SUGCT: variants seen among roughly 807,000 people sequenced by gnomAD.
The protein encoded by SUGCT is succinyl-CoA:glutarate CoA-transferase.
A neutral mutation model predicts 55.0 loss-of-function variants in SUGCT; 41 were observed. That is an observed-to-expected ratio of 0.74 (90% confidence interval 0.58 to 0.97). The LOEUF (loss-of-function observed/expected upper bound fraction) is 0.97. SUGCT is among the 50% of genes least tolerant of loss of function. The pLI is 0.00. For synonymous variants in SUGCT, 187 were observed against 200.4 expected (o/e 0.93, Z 0.56); for missense variants, 568 against 547.8 (o/e 1.04, Z -0.37).
intron 12 of SUGCT, among the ~76,000 whole-genome samples, chr7:40,717,470 T>G (rs1057241764): frequency 2.0e-4 from 31 of 152,242 alleles, no homozygotes; most frequent in African/African-American, 7.2e-4. Context: ...CCAGGGCACA[T>G]GTCGGGCTCC....
At chr7:40,484,281 A>G (rs1295456128) in intron 11 of SUGCT, among the ~76,000 whole-genome samples, 1 of 152,156 alleles carries the variant, frequency 6.6e-6, no homozygotes, top group South Asian at 2.1e-4. Flanking sequence ...TCATATTCCA[A>G]ATAGGAAGCA....
chr7:41,000,798 A>G, the SUGCT span, among the ~76,000 whole-genome samples: 1 of 152,270 alleles, frequency 6.6e-6, no homozygotes, highest in East Asian at 1.9e-4. Flanking sequence ...GGCCCTTGCT[A>G]GTGGGAAAAT....
At chr7:40,343,469 C>T (rs575711747) in intron 9 of SUGCT, among the ~76,000 whole-genome samples, 1 of 152,092 alleles carries the variant, frequency 6.6e-6, no homozygotes, top group East Asian at 1.9e-4. Flanking sequence ...AGTTATGGAC[C>T]GTTTTAGGAA....
chr7:40,798,374 C>G lies in SUGCT; in HGVS notation c.1153+48877C>G, dbSNP rs567159939. ...AATTCTGTTGGTTCTATGGTGCACT[C>G]CTTTTTGTGAGATCCTTTGAGAACT... On this transcript the variant is annotated intron_variant, in intron 13 of 13. Transcript: ENST00000335693. 1.1e-4 allele frequency among the ~76,000 whole-genome samples: 17 copies of G among 152,168 alleles called. 1 individual carries two copies. The South Asian group carries it at 3.5e-3, about 32-fold the overall frequency.
chr7:40,783,185 A>G (rs1563001687), intron 13 of SUGCT, among the ~76,000 whole-genome samples: 1 of 152,144 alleles, frequency 6.6e-6, no homozygotes, highest in Non-Finnish European at 1.5e-5. Flanking sequence ...AACATCCAAA[A>G]GCTTGCCCTG....
At chr7:41,005,012 C>T in the SUGCT span, among the ~76,000 whole-genome samples, 1 of 152,056 alleles carries the variant, frequency 6.6e-6, no homozygotes, top group Admixed American at 6.6e-5. Context: ...TGAGCATTTG[C>T]CCAAAAAATG....
At chr7:40,462,579 G>A (rs187114785) in intron 11 of SUGCT, among the ~76,000 whole-genome samples, 15 of 152,274 alleles carry the variant, frequency 9.9e-5, no homozygotes, top group Admixed American at 7.2e-4. Flanking sequence ...GTGGAGTCAG[G>A]AAGACCCCGT....
intron 7 of SUGCT, among the ~76,000 whole-genome samples, chr7:40,241,446 G>A (rs1013756926): frequency 6.6e-6 from 1 of 151,600 alleles, no homozygotes; most frequent in Non-Finnish European, 1.5e-5. Context: ...GGGCATCGTG[G>A]CACATGCATG....
chr7:40,709,740 C>CGTAGTG (rs1384534364), intron 12 of SUGCT, among the ~76,000 whole-genome samples: 7 of 152,180 alleles, frequency 4.6e-5, no homozygotes, highest in African/African-American at 1.7e-4. Context: ...ATGGTTTCTC[C>CGTAGTG]GTAGTGGTTA....
At chr7:40,148,195 C>T (rs567469915) in intron 1 of SUGCT, among the ~76,000 whole-genome samples, 3 of 151,916 alleles carry the variant, frequency 2.0e-5, no homozygotes, top group Non-Finnish European at 4.4e-5. Context: ...AGTAGGTAAT[C>T]GAAAAAGGTT....
intron 1 of SUGCT, among the ~76,000 whole-genome samples, chr7:40,179,102 T>C (rs898789904): frequency 5.3e-5 from 8 of 152,278 alleles, no homozygotes; most frequent in Admixed American, 5.2e-4. Flanking sequence ...TAGGAAGCCA[T>C]AGAGGATTTT....
At chr7:40,507,934 T>A (rs140997630) in intron 12 of SUGCT, among the ~76,000 whole-genome samples, 212 of 152,308 alleles carry the variant, frequency 1.4e-3, no homozygotes, top group African/African-American at 4.9e-3. Flanking sequence ...TTTGCTAGTA[T>A]CATGAAGCTA....
intron 6 of SUGCT, 64 bp downstream of exon 6, chr7:40,195,124 A>G (rs367782699): frequency 2.1e-6 from 3 of 1,439,874 alleles, no homozygotes; most frequent in African/African-American, 1.5e-5. Flanking sequence ...TCTTATTGCT[A>G]TAAGAAACCT....
intron 12 of SUGCT, among the ~76,000 whole-genome samples, chr7:40,546,460 A>T (rs2151630585): frequency 6.6e-6 from 1 of 152,336 alleles, no homozygotes; most frequent in South Asian, 2.1e-4. Flanking sequence ...AAGTCAGGGC[A>T]TTAAAATTAA....
intron 12 of SUGCT, among the ~76,000 whole-genome samples, chr7:40,745,152 T>A (rs186873458): frequency 6.6e-6 from 1 of 152,284 alleles, no homozygotes; most frequent in African/African-American, 2.4e-5. Context: ...AATAGATAGG[T>A]CAGTTCTCTT....
intron 13 of SUGCT, among the ~76,000 whole-genome samples, chr7:40,801,082 C>T (rs1013848783): frequency 6.6e-6 from 1 of 152,176 alleles, no homozygotes; most frequent in Non-Finnish European, 1.5e-5. Context: ...AACTTGTTCA[C>T]ACAGCAATAG....
intron 12 of SUGCT, among the ~76,000 whole-genome samples, chr7:40,683,355 T>C (rs1784334724): frequency 6.6e-6 from 1 of 152,190 alleles, no homozygotes; most frequent in African/African-American, 2.4e-5. Flanking sequence ...GGTTAGTTTT[T>C]CCACCTGTGC....
In SUGCT at chr7:40,336,385, T is replaced by C. The variant is rs181953627; in HGVS notation, c.816+19530T>C. 3.3e-5 allele frequency among the ~76,000 whole-genome samples: 5 copies of C among 152,310 alleles called. No homozygotes were observed. In the East Asian group the frequency reaches 9.6e-4, roughly 29 times the overall value. ...TGTGAATCCATCTAGTCCTGGACATTTTTTGGTTGATAGGCTATTAATTAT... is the reference window on the plus strand; with the variant it reads ...TGTGAATCCATCTAGTCCTGGACATCTTTTGGTTGATAGGCTATTAATTAT... On this transcript the variant is annotated intron_variant, in intron 9 of 13. Coordinates refer to ENST00000335693, the MANE Select transcript of SUGCT (RefSeq NM_001193313.2).
chr7:40,529,089 A>G (rs1043081972), intron 12 of SUGCT, among the ~76,000 whole-genome samples: 1 of 152,218 alleles, frequency 6.6e-6, no homozygotes. Context: ...TCTACCCTGT[A>G]CTGGGGAAGA....
Sources: allele counts gnomAD v4.1 joint callset (sites outside exome capture counted in the v4.1 genomes callset), GRCh38; gene constraint gnomAD v4.1.1; transcripts MANE v1.5; gene names NCBI Gene and HGNC (gene_info 2026-07-23, HGNC 2026-07-21).